Variants in TRPM3 observed in about 807,000 individuals in gnomAD.
The protein encoded by TRPM3 is transient receptor potential cation channel subfamily M member 3.
A neutral mutation model predicts 181.2 loss-of-function variants in TRPM3; 77 were observed. The observed-to-expected ratio is 0.42, with a 90% confidence interval of 0.35 to 0.51. TRPM3 has a LOEUF of 0.51. Ranked by LOEUF, TRPM3 falls within the 20% of genes least tolerant of loss-of-function variation. The pLI, the probability that TRPM3 is intolerant of heterozygous loss-of-function variation, is 0.01. For missense variants in TRPM3, 1,759 were observed against 2,196.7 expected, an observed-to-expected ratio of 0.80 and a Z score of 3.98; for synonymous variants, 745 against 796.4, an observed-to-expected ratio of 0.94 and a Z score of 1.09.
At chr9:71,042,068 A>C (rs955287214) in intron 1 of TRPM3, among the ~76,000 whole-genome samples, 2 of 152,204 alleles carry the variant, frequency 1.3e-5, no homozygotes, top group African/African-American at 4.8e-5. Flanking sequence ...TGCGAGAGAC[A>C]TTATTATTCC....
At chr9:71,170,311 C>T (rs2076788183) in intron 1 of TRPM3, among the ~76,000 whole-genome samples, 1 of 152,002 alleles carries the variant, frequency 6.6e-6, no homozygotes, top group Admixed American at 6.6e-5. Flanking sequence ...AAACAGAAAC[C>T]CCAGTATTTA....
intron 1 of TRPM3, among the ~76,000 whole-genome samples, chr9:71,219,145 G>T (rs75824933): frequency 0.023 from 3,433 of 152,110 alleles, 52 homozygotes; most frequent in South Asian, 0.039. Context: ...CTTTGCAGTG[G>T]ATCTATTTAG....
intron 1 of TRPM3, among the ~76,000 whole-genome samples, chr9:71,176,741 G>A (rs2077123183): frequency 6.6e-6 from 1 of 151,924 alleles, no homozygotes; most frequent in Non-Finnish European, 1.5e-5. Context: ...GCCCTATACA[G>A]GTATATCATT....
At chr9:70,668,167 C>T (rs1020596274) in intron 9 of TRPM3, among the ~76,000 whole-genome samples, 1 of 152,146 alleles carries the variant, frequency 6.6e-6, no homozygotes, top group Non-Finnish European at 1.5e-5. Flanking sequence ...TCATGGCCAT[C>T]GATGCTCAGA....
chr9:71,085,094 T>G lies in TRPM3; in HGVS notation c.177+36084A>C, dbSNP rs113729408. Among the ~76,000 whole-genome samples the G allele has an allele frequency of 2.6e-5, 4 of 152,190 alleles. 1 individual carries two copies. Among genetic ancestry groups the G allele is most frequent in the African/African-American group, 9.6e-5 (4 of 41,550 alleles). ...CCAGCCATACGCAGTAGAATGAAAC[T>G]GAACCCCTACTTTTCACCATATACA... On this transcript the variant is annotated intron_variant, in intron 1 of 25. Transcript: ENST00000677713.
intron 8 of TRPM3, among the ~76,000 whole-genome samples, chr9:70,738,158 A>G (rs2073182152): frequency 6.6e-6 from 1 of 152,220 alleles, no homozygotes; most frequent in African/African-American, 2.4e-5. Flanking sequence ...GAAAATTGAA[A>G]TTATATCAAC....
At chr9:70,811,260 A>G in intron 6 of TRPM3, 1 of 1,591,964 alleles carries the variant, frequency 6.3e-7, no homozygotes, top group African/African-American at 1.3e-5. Flanking sequence ...AAAAAATAAA[A>G]TCTTTGAAAT....
intron 12 of TRPM3, among the ~76,000 whole-genome samples, chr9:70,634,264 C>A (rs749140054): frequency 4.1e-4 from 63 of 152,118 alleles, no homozygotes; most frequent in Non-Finnish European, 7.2e-4. Flanking sequence ...CACACACCAC[C>A]ATGCCAAGCT....
intron 1 of TRPM3, among the ~76,000 whole-genome samples, chr9:71,395,502 G>A (rs997289969): frequency 6.6e-6 from 1 of 152,208 alleles, no homozygotes; most frequent in Admixed American, 6.5e-5. Context: ...GCAATGACAC[G>A]TGGAGCTGCC....
At chr9:71,183,168 T>C (rs1010902534) in intron 1 of TRPM3, among the ~76,000 whole-genome samples, 2 of 152,070 alleles carry the variant, frequency 1.3e-5, no homozygotes, top group Non-Finnish European at 2.9e-5. Flanking sequence ...TAAGACTTAA[T>C]ATCAAAAAAA....
chr9:71,441,000 A>G (rs538153059), intron 1 of TRPM3, among the ~76,000 whole-genome samples: 1 of 152,304 alleles, frequency 6.6e-6, no homozygotes, highest in African/African-American at 2.4e-5. Flanking sequence ...ATGAAAACAG[A>G]CTTAAAATCA....
intron 1 of TRPM3, among the ~76,000 whole-genome samples, chr9:70,886,163 A>G (rs1251172023): frequency 6.6e-6 from 1 of 152,142 alleles, no homozygotes; most frequent in Non-Finnish European, 1.5e-5. Flanking sequence ...CAAGTGACAC[A>G]GTTATTAATA....
At chr9:71,085,596 T>C (rs1043280639) in intron 1 of TRPM3, among the ~76,000 whole-genome samples, 24 of 151,540 alleles carry the variant, frequency 1.6e-4, no homozygotes, top group Non-Finnish European at 2.9e-4. Flanking sequence ...ACATGAACAG[T>C]GCTCCACATC....
At chr9:70,673,978 T>C (rs925181720) in intron 9 of TRPM3, among the ~76,000 whole-genome samples, 1 of 147,028 alleles carries the variant, frequency 6.8e-6, no homozygotes, top group Admixed American at 6.8e-5. Flanking sequence ...AGAGTTATAG[T>C]AACTTTGTAT....
chr9:70,828,050 C>A (rs1468131614), intron 5 of TRPM3, 32 bp from the exon 6 acceptor site: 16 of 1,575,122 alleles, frequency 1.0e-5, no homozygotes, highest in Admixed American at 5.6e-5. Context: ...AGGCAGAAGT[C>A]AGAAAAAAAG....
intron 3 of TRPM3, among the ~76,000 whole-genome samples, chr9:70,853,938 T>C (rs1297751837): frequency 1.3e-5 from 2 of 152,222 alleles, no homozygotes; most frequent in Admixed American, 1.3e-4. Context: ...ACTTTGAGAT[T>C]ATCTGAGGAT....
chr9:71,270,089 T>A (rs973042964), intron 1 of TRPM3, among the ~76,000 whole-genome samples: 1 of 152,162 alleles, frequency 6.6e-6, no homozygotes, highest in Non-Finnish European at 1.5e-5. Context: ...TTAATGTCAC[T>A]CCTCTGCTTA....
At chr9:71,123,802 C>T (rs1016611850), upstream of TRPM3, among the ~76,000 whole-genome samples, 14 of 152,228 alleles carry the variant, frequency 9.2e-5, no homozygotes, top group South Asian at 2.1e-4. Context: ...TTTAAATGAA[C>T]GCCCTTAAGT....
At chr9:71,235,429 C>T (rs2081301418) in intron 1 of TRPM3, among the ~76,000 whole-genome samples, 1 of 152,176 alleles carries the variant, frequency 6.6e-6, no homozygotes, top group African/African-American at 2.4e-5. Flanking sequence ...AGACTTTCTC[C>T]TGTTCACTAT....
Sources: allele counts gnomAD v4.1 joint callset (sites outside exome capture counted in the v4.1 genomes callset), GRCh38; gene constraint gnomAD v4.1.1; transcripts MANE v1.5; gene names NCBI Gene and HGNC (gene_info 2026-07-23, HGNC 2026-07-21).